PPIL4: variants seen among roughly 807,000 people sequenced by gnomAD.
PPIL4 encodes the protein peptidylprolyl isomerase like 4, also known as peptidyl-prolyl cis-trans isomerase-like 4.
Under a neutral mutation model 69.1 loss-of-function variants are expected in PPIL4, and 50 were observed. The ratio of observed to expected loss-of-function variants is 0.72; its 90% CI spans 0.58 to 0.92. The LOEUF is 0.92. Ranked by LOEUF, PPIL4 falls within the 40% of genes least tolerant of loss-of-function variation. The probability of loss-of-function intolerance (pLI) is 0.00; values close to 1 mark genes in which losing one functional copy is unlikely to be tolerated. For missense variants in PPIL4, 480 were observed against 587.9 expected, an observed-to-expected ratio of 0.82 and a Z score of 1.90; for synonymous variants, 193 against 191.6, an observed-to-expected ratio of 1.01 and a Z score of -0.06.
chr6:149,520,230 T>C (rs1036896280), intron 10 of PPIL4, among the ~76,000 whole-genome samples: 20 of 152,158 alleles, frequency 1.3e-4, no homozygotes, highest in Non-Finnish European at 8.8e-5. Context: ...ATCATATATA[T>C]ATATATGCAC....
rs764478583 is a variant in PPIL4, at chr6:149,535,660, C to A, written c.400G>T (p.Asp134Tyr). The part of the protein sequence containing the change: ...TVFGEVTEGM[D>Y]IIKKINETFV... ...GTCTCATTAATTTTCTTAATTATGTCCATGCCTTCTGTCACCTCACCAAAC... is the reference window on the plus strand; with the variant it reads ...GTCTCATTAATTTTCTTAATTATGTACATGCCTTCTGTCACCTCACCAAAC... Residue 134 changes from aspartate (D) to tyrosine (Y), a missense_variant, in exon 5 of 13, where the codon GAC becomes TAC. Coordinates refer to ENST00000253329, the MANE Select transcript of PPIL4 (RefSeq NM_139126.4). 1.2e-6 allele frequency: 2 copies of A among 1,611,446 alleles called. No homozygotes were observed. Among genetic ancestry groups the A allele is most frequent in the Non-Finnish European group, 1.7e-6 (2 of 1,177,730 alleles).
At chr6:149,513,412 AATATATATATAT>A (rs1200919281) in intron 11 of PPIL4, among the ~76,000 whole-genome samples, 3 of 55,328 alleles carry the variant, frequency 5.4e-5, no homozygotes, top group African/African-American at 7.6e-5. Flanking sequence ...AAAAAAAAAA[AATATATATATAT>A]ATATATATAT....
At chr6:149,520,581 GCACA>G (rs34268228) in intron 10 of PPIL4, among the ~76,000 whole-genome samples, 247 of 149,698 alleles carry the variant, frequency 1.6e-3, no homozygotes, top group Middle Eastern at 3.4e-3. Flanking sequence ...GCATGTGTGT[GCACA>G]CACACACACA....
chr6:149,538,466 TAAAAATTAAAA>T (rs1312555233), intron 4 of PPIL4, among the ~76,000 whole-genome samples: 1 of 151,856 alleles, frequency 6.6e-6, no homozygotes, highest in Non-Finnish European at 1.5e-5. Flanking sequence ...TCTCTAAAAA[TAAAAATTAAAA>T]AAAAATACAT....
At chr6:149,531,772 C>T (rs901278150) in intron 7 of PPIL4, among the ~76,000 whole-genome samples, 3 of 152,002 alleles carry the variant, frequency 2.0e-5, no homozygotes, top group African/African-American at 7.2e-5. Flanking sequence ...TGGGTTCAAG[C>T]GATTCTCCTG....
chr6:149,512,345 T>C, intron 11 of PPIL4, 43 bp from the exon 12 acceptor site: 2 of 1,474,426 alleles, frequency 1.4e-6, no homozygotes, highest in African/African-American at 1.4e-5. Flanking sequence ...ATAATACTGG[T>C]AAGACATCAA....
At chr6:149,539,258 G>C (rs1777324812) in intron 4 of PPIL4, among the ~76,000 whole-genome samples, 1 of 152,226 alleles carries the variant, frequency 6.6e-6, no homozygotes, top group African/African-American at 2.4e-5. Context: ...AGTAGTAGCA[G>C]GGTCTGAGAG....
intron 12 of PPIL4, among the ~76,000 whole-genome samples, chr6:149,509,981 G>T (rs563181603): frequency 3.1e-4 from 47 of 152,058 alleles, no homozygotes; most frequent in Admixed American, 2.7e-3. Flanking sequence ...GGCTGGTCTT[G>T]AACTCTGGGA....
Position 149,527,588 on chromosome 6 carries a change from C to A in PPIL4, c.679-812G>T, listed in dbSNP as rs550468814. Reference sequence around the variant, plus strand: ...TCATAAAGCATAAAAATAAAAACCACTATGATGCTACCATCTAGCTTAAGA... The same window carrying A: ...TCATAAAGCATAAAAATAAAAACCAATATGATGCTACCATCTAGCTTAAGA... On this transcript the variant is annotated intron_variant, in intron 7 of 12. Transcript: ENST00000253329. Among the ~76,000 whole-genome samples the A allele has an allele frequency of 8.5e-5, 13 of 152,302 alleles. No individual in the cohort carries two copies. In the East Asian group the frequency reaches 2.3e-3, roughly 27 times the overall value.
chr6:149,513,099 A>C (rs1270277048), intron 11 of PPIL4, among the ~76,000 whole-genome samples: 2 of 147,440 alleles, frequency 1.4e-5, no homozygotes, highest in Non-Finnish European at 3.0e-5. Context: ...AAAAATATAC[A>C]TAAAAGCCAG....
chr6:149,517,135 C>G (rs1039782499), intron 11 of PPIL4: 2 of 358,382 alleles, frequency 5.6e-6, no homozygotes, highest in Non-Finnish European at 1.0e-5. Context: ...TTTCTTTCAA[C>G]CTTAACTTTC....
chr6:149,517,737 A>C (rs1776968305), intron 10 of PPIL4: 1 of 229,554 alleles, frequency 4.4e-6, no homozygotes, highest in African/African-American at 2.3e-5. Flanking sequence ...AGAGCCATTG[A>C]GCCCATGAGA....
At chr6:149,516,451 C>T (rs1459639600) in intron 11 of PPIL4, among the ~76,000 whole-genome samples, 1 of 151,788 alleles carries the variant, frequency 6.6e-6, no homozygotes, top group Admixed American at 6.6e-5. Flanking sequence ...TTGATGAGTA[C>T]TTGGAAAAGA....
intron 12 of PPIL4, among the ~76,000 whole-genome samples, chr6:149,510,295 C>T (rs569911038): frequency 2.0e-5 from 3 of 151,944 alleles, no homozygotes; most frequent in African/African-American, 7.2e-5. Context: ...AAAATAGTTA[C>T]CCACAGAGGG....
At chr6:149,534,555 C>A in intron 6 of PPIL4, 123 bp downstream of exon 6, 1 of 544,412 alleles carries the variant, frequency 1.8e-6, no homozygotes, top group South Asian at 2.9e-5. Context: ...GAACTCCAAA[C>A]TTGTTGAATA....
intron 7 of PPIL4, among the ~76,000 whole-genome samples, chr6:149,531,280 G>A (rs547128392): frequency 2.0e-5 from 3 of 150,636 alleles, no homozygotes; most frequent in Admixed American, 1.3e-4. Context: ...CAGAAGAATC[G>A]CTTGAACCCG....
chr6:149,524,306 A>G (rs1731525294), intron 9 of PPIL4, among the ~76,000 whole-genome samples: 1 of 152,244 alleles, frequency 6.6e-6, no homozygotes, highest in Non-Finnish European at 1.5e-5. Context: ...TAAATGCAGC[A>G]AAAGTAACAT....
chr6:149,512,428 A>G (rs1235912783), intron 11 of PPIL4, 126 bp from the exon 12 acceptor site: 1 of 604,688 alleles, frequency 1.7e-6, no homozygotes, highest in Non-Finnish European at 2.8e-6. Context: ...TCAAAAGAAT[A>G]TAGTACATTT....
intron 5 of PPIL4, 23 bp from the exon 6 acceptor site, chr6:149,534,797 A>C: frequency 8.0e-7 from 1 of 1,255,684 alleles, no homozygotes; most frequent in Admixed American, 2.1e-5. Flanking sequence ...ATCCAAATCA[A>C]ATGTTATACA....
Sources: allele counts gnomAD v4.1 joint callset (sites outside exome capture counted in the v4.1 genomes callset), GRCh38; gene constraint gnomAD v4.1.1; transcripts MANE v1.5; gene names NCBI Gene and HGNC (gene_info 2026-07-23, HGNC 2026-07-21).